The following FBXW7 variants were observed in gnomAD, a reference collection of about 807,000 sequenced individuals.
The protein encoded by FBXW7 is F-box and WD repeat domain containing 7.
In FBXW7, 11 loss-of-function variants were observed where a neutral mutation model predicts 86.3. That is an observed-to-expected ratio of 0.13 (90% CI 0.08 to 0.21). The LOEUF is 0.21. FBXW7 is among the 10% of genes least tolerant of loss of function. The pLI, the probability that FBXW7 is intolerant of heterozygous loss-of-function variation, is 1.00. For synonymous variants in FBXW7, 313 were observed against 297.9 expected (o/e 1.05, Z -0.52); for missense variants, 488 against 847.4 (o/e 0.58, Z 5.27).
chr4:152,359,694 C>T (rs1732742246), intron 4 of FBXW7, among the ~76,000 whole-genome samples: 1 of 152,106 alleles, frequency 6.6e-6, no homozygotes, highest in Non-Finnish European at 1.5e-5. Context: ...ACCCGGAAGG[C>T]AGAGGTTGCA....
intron 4 of FBXW7, among the ~76,000 whole-genome samples, chr4:152,402,749 C>G (rs887879286): frequency 2.0e-5 from 3 of 152,136 alleles, no homozygotes; most frequent in African/African-American, 7.2e-5. Flanking sequence ...ATTCTGGGAA[C>G]ACATTGAAGG....
chr4:152,531,717 C>T (rs1303115369), intron 2 of FBXW7, among the ~76,000 whole-genome samples: 2 of 152,104 alleles, frequency 1.3e-5, no homozygotes, highest in Non-Finnish European at 2.9e-5. Context: ...TTCGTCATAT[C>T]AAGACCAAAC....
In FBXW7 at chr4:152,411,886, T is replaced by C. The variant is rs1184863361; in HGVS notation, c.-69-14A>G. On this transcript the variant is annotated splice_polypyrimidine_tract_variant and intron_variant, in intron 3 of 13. Transcript: ENST00000281708. ...GGTTTTCACATTCTGCAGGGGAAAA[T>C]AGGGTAAAAAACAAGATTTGTACAA... 19 of 1,456,460 alleles carry C rather than the reference T, an allele frequency of 1.3e-5. No individual in the cohort carries two copies. The highest frequency in any genetic ancestry group is 1.5e-5 in the Non-Finnish European group (17 of 1,105,146). 90.2% of individuals were successfully genotyped at this position (1,456,460 alleles called of 1,614,324 possible). A position where few individuals can be genotyped will look rare whatever the true frequency, so the allele number is the denominator to read the frequency against.
intron 2 of FBXW7, among the ~76,000 whole-genome samples, chr4:152,465,942 A>G (rs1435280002): frequency 3.3e-5 from 5 of 152,200 alleles, no homozygotes; most frequent in Non-Finnish European, 4.4e-5. Flanking sequence ...ACTAACAAGA[A>G]TATCAGTGAT....
intron 2 of FBXW7, among the ~76,000 whole-genome samples, chr4:152,525,645 T>C (rs1246091395): frequency 2.0e-5 from 3 of 152,238 alleles, no homozygotes; most frequent in Admixed American, 2.0e-4. Context: ...TTCTTTTTTA[T>C]GGCTGCACAG....
rs2126879919 is a variant in FBXW7, at chr4:152,411,561, A to G, written c.243T>C (p.Asn81=). 1 of 1,613,764 alleles carries G rather than the reference A, an allele frequency of 6.2e-7. No homozygotes were observed. Among genetic ancestry groups the G allele is most frequent in the South Asian group, 1.1e-5 (1 of 91,054 alleles). Reference sequence around the variant, plus strand: ...CCTCATCTACCGAAATAAATCTATTATTGTTTTCTTCCAACTGTCCTTGCT... The same window carrying G: ...CCTCATCTACCGAAATAAATCTATTGTTGTTTTCTTCCAACTGTCCTTGCT... ...DSQQGQLEEN[N]NRFISVDEDS... Residue 81 remains asparagine (N), a synonymous_variant, in exon 4 of 14, where the codon AAT becomes AAC. Coordinates refer to ENST00000281708, the MANE Select transcript of FBXW7 (RefSeq NM_001349798.2).
At chr4:152,465,602 T>G (rs1743334923) in intron 2 of FBXW7, among the ~76,000 whole-genome samples, 1 of 152,124 alleles carries the variant, frequency 6.6e-6, no homozygotes, top group South Asian at 2.1e-4. Context: ...CCCAGCACTT[T>G]GGGAGGCCAA....
intron 4 of FBXW7, among the ~76,000 whole-genome samples, chr4:152,388,989 C>T (rs1735773767): frequency 6.6e-6 from 1 of 151,966 alleles, no homozygotes; most frequent in Non-Finnish European, 1.5e-5. Flanking sequence ...ATAAATACTT[C>T]TCAAAAGAAG....
intron 2 of FBXW7, among the ~76,000 whole-genome samples, chr4:152,532,108 T>C (rs1750072224): frequency 1.3e-5 from 2 of 152,212 alleles, no homozygotes; most frequent in African/African-American, 4.8e-5. Flanking sequence ...ACTTTGAAAA[T>C]AATTCCAACT....
intron 2 of FBXW7, among the ~76,000 whole-genome samples, chr4:152,496,717 A>G (rs1382948885): frequency 6.6e-6 from 1 of 152,208 alleles, no homozygotes; most frequent in Non-Finnish European, 1.5e-5. Context: ...AATATCAATG[A>G]CAGTCAACCA....
intron 2 of FBXW7, among the ~76,000 whole-genome samples, chr4:152,527,909 T>TACAC (rs1488764682): frequency 6.7e-6 from 1 of 149,230 alleles, no homozygotes; most frequent in East Asian, 1.9e-4. Context: ...CACATATATA[T>TACAC]ACACACACAC....
At chr4:152,507,187 T>C (rs937246021) in intron 2 of FBXW7, among the ~76,000 whole-genome samples, 1 of 152,156 alleles carries the variant, frequency 6.6e-6, no homozygotes, top group African/African-American at 2.4e-5. Flanking sequence ...AAAGGTAATC[T>C]GGATGGATGG....
At chr4:152,432,619 C>G (rs375964348) in intron 2 of FBXW7, among the ~76,000 whole-genome samples, 2 of 151,892 alleles carry the variant, frequency 1.3e-5, no homozygotes. Context: ...CCAGCCTGAC[C>G]AACATAGTGA....
At chr4:152,501,983 T>C (rs1746996778) in intron 2 of FBXW7, among the ~76,000 whole-genome samples, 1 of 152,190 alleles carries the variant, frequency 6.6e-6, no homozygotes, top group African/African-American at 2.4e-5. Context: ...TAGTTCTAAG[T>C]AGCTCTTTCT....
chr4:152,453,463 C>A (rs1180091043), intron 2 of FBXW7, among the ~76,000 whole-genome samples: 2 of 152,158 alleles, frequency 1.3e-5, no homozygotes, highest in Non-Finnish European at 2.9e-5. Flanking sequence ...TCAGCACCTA[C>A]CACATGCTAT....
intron 2 of FBXW7, among the ~76,000 whole-genome samples, chr4:152,447,443 T>C (rs1373273364): frequency 3.3e-5 from 5 of 152,202 alleles, no homozygotes; most frequent in Non-Finnish European, 7.4e-5. Flanking sequence ...AACTTTTAAG[T>C]AATCAAAGTC....
At chr4:152,368,695 A>C (rs901541778) in intron 4 of FBXW7, among the ~76,000 whole-genome samples, 1 of 152,088 alleles carries the variant, frequency 6.6e-6, no homozygotes, top group Non-Finnish European at 1.5e-5. Context: ...TTAAAATTAT[A>C]ATGGAAACTA....
At chr4:152,361,265 G>C (rs1553961550) in intron 4 of FBXW7, among the ~76,000 whole-genome samples, 1 of 151,862 alleles carries the variant, frequency 6.6e-6, no homozygotes, top group Non-Finnish European at 1.5e-5. Flanking sequence ...ATAGTAATCA[G>C]GCCCCCACTA....
chr4:152,450,823 T>G (rs905077189), intron 2 of FBXW7, among the ~76,000 whole-genome samples: 2 of 152,244 alleles, frequency 1.3e-5, no homozygotes, highest in African/African-American at 4.8e-5. Flanking sequence ...CTATTCAGTC[T>G]GCATCACTAT....
Sources: allele counts gnomAD v4.1 joint callset (sites outside exome capture counted in the v4.1 genomes callset), GRCh38; gene constraint gnomAD v4.1.1; transcripts MANE v1.5; gene names NCBI Gene and HGNC (gene_info 2026-07-23, HGNC 2026-07-21).